CHL1: variants seen among roughly 807,000 people sequenced by gnomAD.
CHL1 encodes neural cell adhesion molecule L1-like protein.
A neutral mutation model predicts 141.9 loss-of-function variants in CHL1; 96 were observed. The ratio of observed to expected loss-of-function variants is 0.68; its 90% CI spans 0.57 to 0.80. CHL1 has a LOEUF of 0.80. CHL1 is among the 30% of genes least tolerant of loss of function. The pLI is 0.00. For synonymous variants in CHL1, 613 were observed against 502.2 expected, an observed-to-expected ratio of 1.22 and a Z score of -2.95; for missense variants, 1,820 against 1,457.2, an observed-to-expected ratio of 1.25 and a Z score of -4.05.
intron 1 of CHL1, among the ~76,000 whole-genome samples, chr3:201,083 A>G (rs1461346305): frequency 6.6e-6 from 1 of 152,210 alleles, no homozygotes; most frequent in Non-Finnish European, 1.5e-5. Flanking sequence ...AAGTCACTAT[A>G]ATTTTCCCAA....
At chr3:335,253 C>A (rs368765587) in intron 5 of CHL1, among the ~76,000 whole-genome samples, 1 of 152,188 alleles carries the variant, frequency 6.6e-6, no homozygotes, top group Non-Finnish European at 1.5e-5. Flanking sequence ...AAGGGTGCAA[C>A]TTTGAATTCT....
At chr3:381,686 G>T (rs575173283) in intron 16 of CHL1, among the ~76,000 whole-genome samples, 1 of 152,230 alleles carries the variant, frequency 6.6e-6, no homozygotes, top group African/African-American at 2.4e-5. Context: ...TTGGGAGTCA[G>T]CCAAAAAGAA....
intron 2 of CHL1, among the ~76,000 whole-genome samples, chr3:303,335 G>A (rs190232470): frequency 6.6e-6 from 1 of 152,152 alleles, no homozygotes; most frequent in Admixed American, 6.5e-5. Flanking sequence ...ATTTTGAGCA[G>A]TATGGCCATT....
At chr3:330,984 T>C (rs1701391416) in intron 5 of CHL1, among the ~76,000 whole-genome samples, 1 of 152,118 alleles carries the variant, frequency 6.6e-6, no homozygotes, top group Admixed American at 6.6e-5. Context: ...CCACTCTCTT[T>C]ACTTTGAACT....
intron 5 of CHL1, among the ~76,000 whole-genome samples, chr3:333,661 A>G (rs1260000985): frequency 6.6e-6 from 1 of 152,206 alleles, no homozygotes; most frequent in African/African-American, 2.4e-5. Flanking sequence ...TACACCAGCC[A>G]CTTTCTAGTA....
chr3:234,181 ATG>A (rs111733326), intron 1 of CHL1, among the ~76,000 whole-genome samples: 15,787 of 143,326 alleles, frequency 0.11, 1,014 homozygotes, highest in African/African-American at 0.18. Context: ...TATTAGGTAT[ATG>A]TGTGTGTGTG....
At chr3:342,203 C>A in intron 7 of CHL1, 121 bp downstream of exon 7, 2 of 739,766 alleles carry the variant, frequency 2.7e-6, no homozygotes. Context: ...CAGTTCAACT[C>A]TGGAGACTTC....
chr3:403,479 G>A (rs1378293550), intron 27 of CHL1, among the ~76,000 whole-genome samples: 6 of 151,968 alleles, frequency 3.9e-5, no homozygotes, highest in Non-Finnish European at 7.4e-5. Flanking sequence ...CTCAGGAGGC[G>A]GAGGTTGCAG....
At chr3:352,872 C>A (rs1000260784) in intron 10 of CHL1, among the ~76,000 whole-genome samples, 1 of 152,118 alleles carries the variant, frequency 6.6e-6, no homozygotes, top group African/African-American at 2.4e-5. Flanking sequence ...ATTGGGCTGG[C>A]CTTCTTTCCT....
Position 390,922 on chromosome 3 carries a change from G to A in CHL1, c.2587-33G>A, listed in dbSNP as rs368196958. 5.7e-6 allele frequency: 9 copies of A among 1,583,840 alleles called. No homozygotes were observed. The African/African-American group carries it at 1.1e-4, about 19-fold the overall frequency. On this transcript the variant is annotated intron_variant, in intron 21 of 27. Coordinates refer to ENST00000256509, the MANE Select transcript of CHL1 (RefSeq NM_006614.4). ...GTCAAAGAGAATCTGCGACCACAAT[G>A]GATATACTAAAAGATTTTGGTTTTC... is the stretch of plus-strand genomic sequence containing the variant.
intron 2 of CHL1, among the ~76,000 whole-genome samples, chr3:315,855 T>C (rs571497313): frequency 6.6e-6 from 1 of 151,430 alleles, no homozygotes; most frequent in South Asian, 2.1e-4. Flanking sequence ...GAAGCAGAGG[T>C]TTAATAGGCA....
At chr3:319,151 A>ACAT (rs1160193036) in intron 2 of CHL1, among the ~76,000 whole-genome samples, 8 of 151,882 alleles carry the variant, frequency 5.3e-5, no homozygotes, top group Admixed American at 3.3e-4. Context: ...AATATTATGG[A>ACAT]CATAAAGATA....
chr3:232,764 A>T (rs946863849), intron 1 of CHL1, among the ~76,000 whole-genome samples: 1 of 152,242 alleles, frequency 6.6e-6, no homozygotes. Context: ...TTAAAAAAAA[A>T]ATGAAGAAAG....
At chr3:207,910 G>A (rs1374992747) in intron 1 of CHL1, among the ~76,000 whole-genome samples, 2 of 152,106 alleles carry the variant, frequency 1.3e-5, no homozygotes, top group African/African-American at 4.8e-5. Context: ...CAAGCACTGA[G>A]CAATTCAGGT....
In CHL1 at chr3:373,942, G is replaced by C. The variant is rs1165479129; in HGVS notation, c.1752-3876G>C. On this transcript the variant is annotated intron_variant, in intron 15 of 27. Transcript: ENST00000256509. ...AGCCTCCTAGTCAGTTCTTCTAAGA[G>C]AAACCTGGATACCTTGGTTGCCAGG... The C allele has an allele frequency of 2.0e-5, 3 of 152,370 alleles. No homozygotes were observed. In the East Asian group the frequency reaches 5.8e-4, roughly 29 times the overall value. The allele number at this position is 152,370 out of a possible 1,614,324, so 9.4% of individuals were successfully genotyped here.
intron 24 of CHL1, among the ~76,000 whole-genome samples, chr3:396,806 G>C (rs1014442993): frequency 6.6e-6 from 1 of 151,748 alleles, no homozygotes; most frequent in East Asian, 1.9e-4. Context: ...TAAGTACAGG[G>C]AAAAAAATTA....
intron 1 of CHL1, among the ~76,000 whole-genome samples, chr3:219,018 G>T (rs1268312909): frequency 2.0e-5 from 3 of 151,912 alleles, no homozygotes; most frequent in Non-Finnish European, 4.4e-5. Flanking sequence ...GCATGGTGGC[G>T]GGCACCTGTA....
At chr3:297,725 C>T (rs1698324275) in intron 2 of CHL1, among the ~76,000 whole-genome samples, 1 of 152,176 alleles carries the variant, frequency 6.6e-6, no homozygotes, top group Non-Finnish European at 1.5e-5. Flanking sequence ...CTTTGTATCC[C>T]ATGGAGATGA....
At chr3:398,451 G>C in intron 25 of CHL1, 66 bp downstream of exon 25, 1 of 983,300 alleles carries the variant, frequency 1.0e-6, no homozygotes, top group Non-Finnish European at 1.5e-6. Flanking sequence ...ACTTAGTGTT[G>C]CCTGTGTCCT....
Sources: allele counts gnomAD v4.1 joint callset (sites outside exome capture counted in the v4.1 genomes callset), GRCh38; gene constraint gnomAD v4.1.1; transcripts MANE v1.5; gene names NCBI Gene and HGNC (gene_info 2026-07-23, HGNC 2026-07-21).